Variants in FRMD4B observed in about 807,000 individuals in gnomAD.
FRMD4B encodes FERM domain containing 4B.
FRMD4B carries 74 observed loss-of-function variants against 141.5 expected under a neutral mutation model. The observed-to-expected ratio is 0.52, with a 90% CI of 0.43 to 0.63. The LOEUF (loss-of-function observed/expected upper bound fraction) is 0.63. Ranked by LOEUF, FRMD4B falls within the 30% of genes least tolerant of loss-of-function variation. The probability of loss-of-function intolerance (pLI) is 0.00; values close to 1 mark genes in which losing one functional copy is unlikely to be tolerated. For missense variants in FRMD4B, 1,366 were observed against 1,253.4 expected (o/e 1.09, Z -1.36); for synonymous variants, 506 against 467.9 (o/e 1.08, Z -1.05).
intron 19 of FRMD4B, among the ~76,000 whole-genome samples, chr3:69,185,942 T>C (rs1462856357): frequency 1.3e-5 from 2 of 151,260 alleles, no homozygotes; most frequent in Non-Finnish European, 2.9e-5. Flanking sequence ...CTTGGAAGGC[T>C]GAGGGGGGAG....
rs1706024149 is a variant in FRMD4B at position 69,477,536 on chromosome 3, G to T, written c.-128-44775C>A. On this transcript the variant is annotated intron_variant, in intron 1 of 5. Coordinates refer to the FRMD4B transcript ENST00000459638. ...GATTTGCATATATTGAACCAGCCTT[G>T]CATCCCAGGGATGAAGCCCACTTGA... Among the ~76,000 whole-genome samples, 4 of 151,808 alleles carry T rather than the reference G, an allele frequency of 2.6e-5. No homozygotes were observed. The South Asian group carries it at 6.3e-4, about 24-fold the overall frequency.
intron 1 of FRMD4B, among the ~76,000 whole-genome samples, chr3:69,470,713 C>T (rs917402197): frequency 6.6e-6 from 1 of 152,100 alleles, no homozygotes; most frequent in African/African-American, 2.4e-5. Context: ...GTTTCAGTAA[C>T]CAGGCTCAAA....
At chr3:69,362,938 TAAGTCCTGACCTTC>T (rs1703512573) in intron 1 of FRMD4B, among the ~76,000 whole-genome samples, 1 of 151,804 alleles carries the variant, frequency 6.6e-6, no homozygotes, top group African/African-American at 2.4e-5. Context: ...AATTCTTCTA[TAAGTCCTGACCTTC>T]AAGTCCTGAG....
At chr3:69,330,137 G>A (rs72934893) in intron 1 of FRMD4B, among the ~76,000 whole-genome samples, 8,165 of 151,896 alleles carry the variant, frequency 0.054, 760 homozygotes, top group African/African-American at 0.19. Flanking sequence ...ACAGTGCTTA[G>A]CTCATCCTGG....
chr3:69,315,038 T>C (rs1158703337), intron 1 of FRMD4B, among the ~76,000 whole-genome samples: 1 of 152,022 alleles, frequency 6.6e-6, no homozygotes, highest in Non-Finnish European at 1.5e-5. Context: ...ACCTCATCTC[T>C]TAAAATAAAA....
In FRMD4B at chr3:69,181,620, T is replaced by A. The variant is rs777144004; in HGVS notation, c.2130A>T (p.Pro710=). The A allele has an allele frequency of 6.2e-7, 1 of 1,613,566 alleles. No homozygotes were observed. The highest frequency in any genetic ancestry group is 8.5e-7 in the Non-Finnish European group (1 of 1,179,606). Reference sequence around the variant, plus strand: ...TTTGGGATTTGGAGAGGGAGAAAAATGGCTTATCGCTGTCCATCTCGGAGA... The same window carrying A: ...TTTGGGATTTGGAGAGGGAGAAAAAAGGCTTATCGCTGTCCATCTCGGAGA... ...HLLSEMDSDK[P]FFSLSKSQRS... is the part of the protein sequence containing the mutation. Residue 710 remains proline (P), a synonymous_variant, in exon 21 of 23, where the codon CCA becomes CCT. Transcript: ENST00000398540.
intron 1 of FRMD4B, among the ~76,000 whole-genome samples, chr3:69,519,652 T>C (rs1700820005): frequency 6.6e-6 from 1 of 152,152 alleles, no homozygotes; most frequent in Non-Finnish European, 1.5e-5. Context: ...TTTGTTTTTA[T>C]TTCCATAGGT....
intron 18 of FRMD4B, among the ~76,000 whole-genome samples, chr3:69,188,742 C>T (rs1290312137): frequency 1.6e-5 from 2 of 123,980 alleles, no homozygotes; most frequent in Non-Finnish European, 3.2e-5. Context: ...CCGACCTGGG[C>T]GACAGAGCGA....
intron 2 of FRMD4B, among the ~76,000 whole-genome samples, chr3:69,422,934 G>A (rs1164480920): frequency 6.6e-6 from 1 of 152,178 alleles, no homozygotes; most frequent in East Asian, 1.9e-4. Flanking sequence ...TGTAGGGCAG[G>A]GATTGCTGAG....
At chr3:69,482,235 T>C (rs1706135793) in intron 1 of FRMD4B, among the ~76,000 whole-genome samples, 1 of 152,040 alleles carries the variant, frequency 6.6e-6, no homozygotes, top group South Asian at 2.1e-4. Flanking sequence ...AGGGTGGGGG[T>C]AAAAGCTGTA....
At chr3:69,232,463 T>C (rs1159972323) in intron 7 of FRMD4B, among the ~76,000 whole-genome samples, 1 of 152,200 alleles carries the variant, frequency 6.6e-6, no homozygotes, top group African/African-American at 2.4e-5. Context: ...CATGACCCAC[T>C]ATTTAGCTAC....
intron 1 of FRMD4B, among the ~76,000 whole-genome samples, chr3:69,366,277 A>T (rs1238434646): frequency 8.9e-6 from 1 of 112,668 alleles, no homozygotes; most frequent in Non-Finnish European, 1.9e-5. Context: ...AAAAACAAAA[A>T]CAAAAACAAA....
intron 1 of FRMD4B, among the ~76,000 whole-genome samples, chr3:69,463,843 A>G (rs1341589637): frequency 6.6e-6 from 1 of 152,252 alleles, no homozygotes; most frequent in African/African-American, 2.4e-5. Flanking sequence ...TCTCTGCACA[A>G]AGAAATGACT....
Position 69,385,812 on chromosome 3 carries a change from G to A in FRMD4B, c.162+16C>T. On this transcript the variant is annotated intron_variant, in intron 1 of 22. Coordinates refer to ENST00000398540, the MANE Select transcript of FRMD4B (RefSeq NM_015123.3). ...CATCCTGCTGGGGCCCTCGGGTGCCGCGCGCTCCAGCTCACCTGGTACACG... is the reference window on the plus strand; with the variant it reads ...CATCCTGCTGGGGCCCTCGGGTGCCACGCGCTCCAGCTCACCTGGTACACG... 1 of 1,530,710 alleles carries A rather than the reference G, an allele frequency of 6.5e-7. No individual in the cohort carries two copies. Among genetic ancestry groups the A allele is most frequent in the Non-Finnish European group, 8.8e-7 (1 of 1,133,636 alleles). 94.8% of individuals were successfully genotyped at this position (1,530,710 alleles called of 1,614,324 possible). A position where few individuals can be genotyped will look rare whatever the true frequency, so the allele number is the denominator to read the frequency against.
rs993116287 is a variant in FRMD4B at position 69,409,993 on chromosome 3, C to T, written c.-1+22641G>A. On this transcript the variant is annotated intron_variant, in intron 2 of 5. Coordinates refer to the FRMD4B transcript ENST00000459638. ...GGGGTTTCTCCTGGTCATATGGGTT[C>T]TTCCACTTTCAGGATCCTCAGAACC... Among the ~76,000 whole-genome samples the T allele has an allele frequency of 5.3e-5, 8 of 152,224 alleles. No individual in the cohort carries two copies. In the East Asian group the frequency reaches 5.8e-4, roughly 11 times the overall value.
intron 1 of FRMD4B, among the ~76,000 whole-genome samples, chr3:69,355,027 G>GAAAAAA (rs57898618): frequency 6.9e-6 from 1 of 145,426 alleles, no homozygotes; most frequent in African/African-American, 2.5e-5. Flanking sequence ...ATGGAAAAAG[G>GAAAAAA]AAAAAAAAAA....
At chr3:69,176,724 T>A (rs9872199) in intron 21 of FRMD4B, 68 bp from the exon 22 acceptor site, 989,051 of 1,050,374 alleles carry the variant, frequency 0.94, 471,666 homozygotes, top group Non-Finnish European at 0.99. Context: ...TTAAGGTCAT[T>A]CAGAGGTACA....
chr3:69,278,604 CTT>C lies in FRMD4B; in HGVS notation c.501+9146_501+9147del, dbSNP rs55732494. On this transcript the variant is annotated intron_variant, in intron 5 of 22. Transcript: ENST00000398540. ...GAGTCACCCCAGTGGCCCCAAATTG[CTT>C]TTTTTTTTTTTGCCCTGCCGCTCAG... Among the ~76,000 whole-genome samples the C allele has an allele frequency of 5.9e-3, 834 of 141,968 alleles. 5 individuals are homozygous for C. Among genetic ancestry groups the C allele is most frequent in the African/African-American group, 0.016 (609 of 38,570 alleles). The allele number at this position is 141,968 out of a possible 152,430, so 93.1% of individuals were successfully genotyped here. A position where few individuals can be genotyped will look rare whatever the true frequency, so the allele number is the denominator to read the frequency against.
At chr3:69,215,106 C>T (rs962054664) in intron 11 of FRMD4B, among the ~76,000 whole-genome samples, 5 of 151,428 alleles carry the variant, frequency 3.3e-5, no homozygotes, top group Non-Finnish European at 7.4e-5. Flanking sequence ...TCTCAAACTC[C>T]TGAGCTCAGG....
Sources: gnomAD v4.1 joint callset for allele counts (sites outside exome capture counted in the v4.1 genomes callset) on GRCh38, gnomAD v4.1.1 for gene constraint, MANE v1.5 for transcripts, NCBI Gene and HGNC (gene_info 2026-07-23, HGNC 2026-07-21) for gene names.